HAVCR1: variants seen among roughly 807,000 people sequenced by gnomAD.
The protein encoded by HAVCR1 is T cell immunoglobin domain and mucin domain protein 1.
A neutral mutation model predicts 32.0 loss-of-function variants in HAVCR1; 34 were observed. The observed-to-expected ratio is 1.06, with a 90% CI of 0.81 to 1.42. The LOEUF is 1.42. Among genes scored for constraint, HAVCR1 ranks in the 40% most tolerant of loss-of-function variants. The pLI is 0.00. For synonymous variants in HAVCR1, 178 were observed against 170.3 expected, an observed-to-expected ratio of 1.05 and a Z score of -0.35; for missense variants, 420 against 442.3, an observed-to-expected ratio of 0.95 and a Z score of 0.45.
chr5:157,038,267 G>GATC (rs1182265206), intron 6 of HAVCR1, among the ~76,000 whole-genome samples: 2 of 152,146 alleles, frequency 1.3e-5, no homozygotes, highest in East Asian at 3.8e-4. Context: ...TATCACAAGA[G>GATC]ATCATCACCT....
At chr5:157,044,623 A>AAGAAAGAAAGAAAGAAAGAAAG (rs1755224285) in intron 5 of HAVCR1, among the ~76,000 whole-genome samples, 1 of 53,314 alleles carries the variant, frequency 1.9e-5, no homozygotes. Context: ...AAGAGAAAGA[A>AAGAAAGAAAGAAAGAAAGAAAG]AGAAAGAAAG....
chr5:157,067,704 T>G, the HAVCR1 span, among the ~76,000 whole-genome samples: 1 of 152,120 alleles, frequency 6.6e-6, no homozygotes, highest in African/African-American at 2.4e-5. Context: ...TTTTTATTTT[T>G]TGAGACAAAG....
chr5:157,061,714 A>AAT (rs1756493266), upstream of HAVCR1, among the ~76,000 whole-genome samples: 1 of 151,990 alleles, frequency 6.6e-6, no homozygotes, highest in South Asian at 2.1e-4. Flanking sequence ...AAAAAAAAAA[A>AAT]AGTTATTAAT....
rs73302593 is a variant in HAVCR1 at position 157,057,789 on chromosome 5, C to T, written c.46+109G>A. Reference sequence around the variant, plus strand: ...TAGCCATACAACGGTACCCAAAGAACATCTACATTAATCCACCACCACCAT... The same window carrying T: ...TAGCCATACAACGGTACCCAAAGAATATCTACATTAATCCACCACCACCAT... On this transcript the variant is annotated intron_variant, in intron 2 of 8. Transcript: ENST00000523175. The T allele has an allele frequency of 0.012, 9,792 of 802,946 alleles. 667 individuals carry two copies. The African/African-American group carries it at 0.14, about 12-fold the overall frequency. 49.7% of individuals were successfully genotyped at this position (802,946 alleles called of 1,614,324 possible).
chr5:157,038,946 C>A (rs1466756942), intron 6 of HAVCR1, among the ~76,000 whole-genome samples: 1 of 152,078 alleles, frequency 6.6e-6, no homozygotes, highest in East Asian at 1.9e-4. Flanking sequence ...TTTGGTGAGA[C>A]CCTGTCTCCA....
intron 6 of HAVCR1, among the ~76,000 whole-genome samples, chr5:157,038,653 G>A (rs555549189): frequency 1.3e-5 from 2 of 152,316 alleles, no homozygotes; most frequent in South Asian, 2.1e-4. Context: ...CATAGCCAGT[G>A]TCTGGGAGTG....
At chr5:157,032,756 G>A (rs1754250284) in intron 8 of HAVCR1, 98 bp downstream of exon 8, 2 of 757,948 alleles carry the variant, frequency 2.6e-6, no homozygotes, top group Non-Finnish European at 2.3e-6. Flanking sequence ...CAGGATCCAA[G>A]GTATGCGATG....
At chr5:157,054,265 T>A (rs1443314038) in intron 3 of HAVCR1, among the ~76,000 whole-genome samples, 2 of 149,758 alleles carry the variant, frequency 1.3e-5, no homozygotes, top group African/African-American at 2.5e-5. Context: ...TTTGGGAGAC[T>A]GAGGCAGGCA....
At chr5:157,039,367 A>G (rs748538549) in intron 6 of HAVCR1, among the ~76,000 whole-genome samples, 2 of 152,158 alleles carry the variant, frequency 1.3e-5, no homozygotes, top group South Asian at 2.1e-4. Flanking sequence ...CACTGCAATG[A>G]CTACATTCTT....
chr5:157,050,404 C>A (rs1181034405), intron 4 of HAVCR1, among the ~76,000 whole-genome samples: 2 of 152,168 alleles, frequency 1.3e-5, no homozygotes, highest in Admixed American at 1.3e-4. Context: ...TTTTAGGCAG[C>A]AAGCAGGTAC....
At chr5:157,045,793 G>T (rs528595576) in intron 5 of HAVCR1, among the ~76,000 whole-genome samples, 2 of 152,210 alleles carry the variant, frequency 1.3e-5, no homozygotes, top group African/African-American at 4.8e-5. Flanking sequence ...TAAGAACTTG[G>T]CCCAAGAGCC....
At chr5:157,038,285 T>C (rs974937526) in intron 6 of HAVCR1, among the ~76,000 whole-genome samples, 1 of 152,214 alleles carries the variant, frequency 6.6e-6, no homozygotes, top group Admixed American at 6.5e-5. Context: ...CCTCCTGGAA[T>C]AGGCCTGAAA....
chr5:157,052,718 G>T, intron 3 of HAVCR1, 64 bp from the exon 4 acceptor site: 1 of 1,363,502 alleles, frequency 7.3e-7, no homozygotes. Context: ...CCTCAGGCTG[G>T]AACTGTACCC....
At chr5:157,044,613 AAG>A (rs373940170) in intron 5 of HAVCR1, among the ~76,000 whole-genome samples, 4,816 of 24,814 alleles carry the variant, frequency 0.19, 365 homozygotes, top group African/African-American at 0.31. Flanking sequence ...GAAAGAAAGA[AAG>A]AGAAAGAAAG....
At chr5:157,044,652 A>G (rs1056943674) in intron 5 of HAVCR1, among the ~76,000 whole-genome samples, 5 of 130,772 alleles carry the variant, frequency 3.8e-5, no homozygotes, top group Non-Finnish European at 3.2e-5. Flanking sequence ...AAAGAAAGAA[A>G]GAAAGAAAGA....
At position 157,029,732 on chromosome 5, in the gene HAVCR1, C is replaced by T. The variant is rs979866131; in HGVS notation, c.*1G>A. The T allele has an allele frequency of 6.2e-7, 1 of 1,612,856 alleles. No individual in the cohort carries two copies. The highest frequency in any genetic ancestry group is 1.3e-5 in the African/African-American group (1 of 74,860). ...AAACTCTCAAAGAGCACCACTGGGT[C>T]TTAGTCCGTGGCATAAAGACTATTC... On this transcript the variant is annotated 3_prime_UTR_variant, in exon 9 of 9. Coordinates refer to ENST00000523175, the MANE Select transcript of HAVCR1 (RefSeq NM_001173393.3).
chr5:157,044,676 A>AGAGAGGGAG (rs142603344), intron 5 of HAVCR1, among the ~76,000 whole-genome samples: 1 of 109,454 alleles, frequency 9.1e-6, no homozygotes, highest in Admixed American at 9.4e-5. Context: ...AAAGAAAGAA[A>AGAGAGGGAG]GGAGGGAGGG....
At chr5:157,065,254 G>T in the HAVCR1 span, among the ~76,000 whole-genome samples, 1 of 151,710 alleles carries the variant, frequency 6.6e-6, no homozygotes, top group Non-Finnish European at 1.5e-5. Context: ...GGGAGGCGGA[G>T]CTTGCAGTGA....
At chr5:157,065,577 G>A in the HAVCR1 span, among the ~76,000 whole-genome samples, 1 of 152,132 alleles carries the variant, frequency 6.6e-6, no homozygotes, top group East Asian at 1.9e-4. Context: ...TTTTAAGGCC[G>A]GGTGTGGCGA....
Sources: gnomAD v4.1 joint callset for allele counts (sites outside exome capture counted in the v4.1 genomes callset) on GRCh38, gnomAD v4.1.1 for gene constraint, MANE v1.5 for transcripts, NCBI Gene and HGNC (gene_info 2026-07-23, HGNC 2026-07-21) for gene names.